Variants in CLASP1 observed in about 807,000 individuals in gnomAD.
CLASP1 encodes CLIP-associating protein 1.
In CLASP1, 38 loss-of-function variants were observed where a neutral mutation model predicts 192.3. That is an observed-to-expected ratio of 0.20 (90% confidence interval 0.15 to 0.26). The LOEUF (loss-of-function observed/expected upper bound fraction) is 0.26, where lower values mean the gene tolerates loss of function less well. CLASP1 is among the 10% of genes least tolerant of loss of function. The pLI is 1.00. For missense variants in CLASP1, 1,433 were observed against 1,932.5 expected (o/e 0.74, Z 4.85); for synonymous variants, 691 against 712.8 (o/e 0.97, Z 0.49).
At chr2:121,621,016 C>T (rs1370365135) in intron 1 of CLASP1, among the ~76,000 whole-genome samples, 1 of 152,028 alleles carries the variant, frequency 6.6e-6, no homozygotes, top group Non-Finnish European at 1.5e-5. Context: ...ACTGCTTGAG[C>T]TCACGAGTTT....
chr2:121,460,219 G>T, intron 11 of CLASP1, 94 bp from the exon 12 acceptor site: 2 of 1,026,808 alleles, frequency 1.9e-6, no homozygotes, highest in Admixed American at 2.6e-5. Flanking sequence ...AGAGATCATT[G>T]TTAAAGTTCA....
intron 8 of CLASP1, among the ~76,000 whole-genome samples, chr2:121,493,986 T>C (rs777885204): frequency 2.8e-4 from 42 of 152,340 alleles, no homozygotes; most frequent in Admixed American, 8.5e-4. Flanking sequence ...GGAACTCTTG[T>C]ACACTGTTGG....
At chr2:121,556,234 C>A (rs2058560459) in intron 2 of CLASP1, among the ~76,000 whole-genome samples, 1 of 152,104 alleles carries the variant, frequency 6.6e-6, no homozygotes, top group Non-Finnish European at 1.5e-5. Flanking sequence ...GATCTGCCCG[C>A]CTCAGCCTCC....
chr2:121,451,343 T>C (rs544072730), intron 15 of CLASP1, among the ~76,000 whole-genome samples: 1 of 152,348 alleles, frequency 6.6e-6, no homozygotes, highest in South Asian at 2.1e-4. Context: ...GTTTTTCACA[T>C]CAGAACTAGT....
At chr2:121,478,198 T>G (rs2150035169) in intron 8 of CLASP1, among the ~76,000 whole-genome samples, 1 of 152,276 alleles carries the variant, frequency 6.6e-6, no homozygotes, top group East Asian at 1.9e-4. Flanking sequence ...AGTTGTCATA[T>G]TAATATAATA....
intron 2 of CLASP1, among the ~76,000 whole-genome samples, chr2:121,566,057 T>C (rs779087608): frequency 3.3e-5 from 5 of 152,202 alleles, no homozygotes; most frequent in Non-Finnish European, 5.9e-5. Flanking sequence ...GTCCTATTAA[T>C]GGACCTCCAG....
At chr2:121,558,086 A>G (rs1458418902) in intron 2 of CLASP1, among the ~76,000 whole-genome samples, 3 of 139,016 alleles carry the variant, frequency 2.2e-5, no homozygotes, top group African/African-American at 7.9e-5. Flanking sequence ...TCTCAAAAAG[A>G]AAAAAAAAAA....
intron 6 of CLASP1, 135 bp downstream of exon 6, chr2:121,525,710 G>A: frequency 1.6e-6 from 1 of 617,632 alleles, no homozygotes; most frequent in South Asian, 2.0e-5. Flanking sequence ...AATGCTAATG[G>A]GTACTGGATC....
intron 21 of CLASP1, among the ~76,000 whole-genome samples, chr2:121,426,769 C>T (rs1475804301): frequency 2.0e-5 from 3 of 151,990 alleles, no homozygotes; most frequent in Non-Finnish European, 4.4e-5. Flanking sequence ...AGGTAAGTAG[C>T]TAGATACATA....
chr2:121,453,314 T>G (rs189935704), intron 14 of CLASP1, among the ~76,000 whole-genome samples: 3 of 152,170 alleles, frequency 2.0e-5, no homozygotes, highest in Admixed American at 2.0e-4. Context: ...TAAATAAAAA[T>G]AATTATTTAC....
At chr2:121,478,650 ACACACACACACCCCC>A (rs1440462609) in intron 8 of CLASP1, among the ~76,000 whole-genome samples, 746 of 52,400 alleles carry the variant, frequency 0.014, 23 homozygotes, top group African/African-American at 0.092. Context: ...CACACCCCCC[ACACACACACACCCCC>A]CACACACACC....
intron 37 of CLASP1, among the ~76,000 whole-genome samples, chr2:121,349,282 A>G (rs2063918159): frequency 6.6e-6 from 1 of 152,124 alleles, no homozygotes; most frequent in Non-Finnish European, 1.5e-5. Flanking sequence ...TGGTACTCCA[A>G]GTGCAGCCCC....
intron 20 of CLASP1, among the ~76,000 whole-genome samples, chr2:121,428,873 C>G (rs190096673): frequency 6.6e-6 from 1 of 152,124 alleles, no homozygotes; most frequent in African/African-American, 2.4e-5. Flanking sequence ...TCATTAAAAC[C>G]CCATGAGGGT....
intron 6 of CLASP1, among the ~76,000 whole-genome samples, chr2:121,525,531 G>A (rs2094555006): frequency 6.6e-6 from 1 of 152,082 alleles, no homozygotes; most frequent in Non-Finnish European, 1.5e-5. Context: ...TGGCTGCAGA[G>A]GTGGTGGCCA....
At chr2:121,407,928 A>G in intron 24 of CLASP1, 1 of 694,828 alleles carries the variant, frequency 1.4e-6, no homozygotes, top group Non-Finnish European at 2.6e-6. Context: ...AGTAGAAGGG[A>G]AAGAGTATGG....
intron 8 of CLASP1, among the ~76,000 whole-genome samples, chr2:121,473,963 A>C (rs1345277858): frequency 6.6e-6 from 1 of 152,220 alleles, no homozygotes; most frequent in Non-Finnish European, 1.5e-5. Flanking sequence ...GGCAAAAGGA[A>C]AAATGATACC....
At chr2:121,521,423 T>G (rs926004198) in intron 6 of CLASP1, among the ~76,000 whole-genome samples, 3 of 152,186 alleles carry the variant, frequency 2.0e-5, no homozygotes, top group Admixed American at 2.0e-4. Context: ...GTACCGGTGC[T>G]GTGCCTGTGC....
intron 19 of CLASP1, among the ~76,000 whole-genome samples, chr2:121,441,745 TA>T (rs879844094): frequency 0.021 from 3,010 of 145,350 alleles, 79 homozygotes; most frequent in African/African-American, 0.068. Context: ...ACCCTGCCTT[TA>T]AAAAAAAAAA....
chr2:121,473,300 A>C (rs1300797401), intron 8 of CLASP1, among the ~76,000 whole-genome samples: 1 of 152,248 alleles, frequency 6.6e-6, no homozygotes, highest in African/African-American at 2.4e-5. Context: ...TTAAGAAAAC[A>C]TAATATCTGA....
Sources: gnomAD v4.1 joint callset for allele counts (sites outside exome capture counted in the v4.1 genomes callset) on GRCh38, gnomAD v4.1.1 for gene constraint, MANE v1.5 for transcripts, NCBI Gene and HGNC (gene_info 2026-07-23, HGNC 2026-07-21) for gene names.